The following TRHDE variants were observed in gnomAD, a reference collection of about 807,000 sequenced individuals.
TRHDE encodes thyrotropin releasing hormone degrading enzyme.
TRHDE carries 72 observed loss-of-function variants against 125.7 expected under a neutral mutation model. The ratio of observed to expected loss-of-function variants is 0.57; its 90% CI spans 0.47 to 0.70. TRHDE has a LOEUF of 0.70. Among genes scored for constraint, TRHDE ranks in the 30% least tolerant of loss-of-function variants. The pLI is 0.00. For synonymous variants in TRHDE, 509 were observed against 509.1 expected (o/e 1.00, Z 0.00); for missense variants, 1,110 against 1,327.1 (o/e 0.84, Z 2.54).
chr12:72,516,483 T>G (rs1878866525), intron 6 of TRHDE, among the ~76,000 whole-genome samples: 1 of 152,052 alleles, frequency 6.6e-6, no homozygotes, highest in South Asian at 2.1e-4. Flanking sequence ...GTGATTTTTG[T>G]ACATTGATTT....
chr12:72,266,344 A>G (rs961472276), intron 2 of TRHDE, among the ~76,000 whole-genome samples: 4 of 151,924 alleles, frequency 2.6e-5, no homozygotes, highest in Non-Finnish European at 4.4e-5. Flanking sequence ...TGGGTTAAAT[A>G]TATATTTTTG....
intron 3 of TRHDE, among the ~76,000 whole-genome samples, chr12:72,409,877 A>G (rs553587931): frequency 6.6e-6 from 1 of 152,310 alleles, no homozygotes; most frequent in Non-Finnish European, 1.5e-5. Flanking sequence ...ATATATTGAG[A>G]GGGGAATAAA....
At chr12:72,340,157 C>T (rs1870016033) in intron 2 of TRHDE, among the ~76,000 whole-genome samples, 2 of 152,128 alleles carry the variant, frequency 1.3e-5, no homozygotes, top group African/African-American at 4.8e-5. Context: ...GCATAACTCA[C>T]CTGGGAGTAT....
Position 72,272,783 on chromosome 12 carries a change from G to A in TRHDE, c.140G>A (p.Gly47Glu), listed in dbSNP as rs1182933632. The A allele has an allele frequency of 1.9e-6, 3 of 1,557,692 alleles. No homozygotes were observed. The highest frequency in any genetic ancestry group is 2.7e-5 in the African/African-American group (2 of 73,780). ...AGCTCACCCTTCGCAGCCGCGATGG[G>A]GGAAGACGACGCCGCGCTTCGGGCT... ...KSSSPFAAAM[G>E]EDDAALRAGS... Residue 47 changes from glycine to glutamate, a missense_variant, in exon 1 of 19, where the codon GGG (glycine) becomes GAG (glutamate). This residue lies in a region of TRHDE where 248 missense variants were observed against 240.8 expected (regional missense o/e 1.03). Transcript: ENST00000261180. This position sits in a 1 kb window ranked among gnomAD's most constrained non-coding sequence, Gnocchi z 6.7.
chr12:72,402,780 T>C lies in TRHDE; in HGVS notation c.1315+24659T>C, dbSNP rs185792909. 9.5e-4 allele frequency among the ~76,000 whole-genome samples: 144 copies of C among 152,300 alleles called. No homozygotes were observed. In the South Asian group the frequency reaches 0.014, roughly 14 times the overall value. On this transcript the variant is annotated intron_variant, in intron 3 of 18. Transcript: ENST00000261180. ...TGAAATAGCCTCATTGATTTTTTTT[T>C]CTGTAGGGCACAACTTTTTTGTCCT...
intron 2 of TRHDE, among the ~76,000 whole-genome samples, chr12:72,206,590 T>C (rs1231930910): frequency 1.3e-5 from 2 of 152,202 alleles, no homozygotes; most frequent in Non-Finnish European, 2.9e-5. Flanking sequence ...TGTCAGCATG[T>C]ATAGAAAGTG....
At chr12:72,296,314 T>C (rs1372169405) in intron 2 of TRHDE, among the ~76,000 whole-genome samples, 2 of 152,216 alleles carry the variant, frequency 1.3e-5, no homozygotes, top group Non-Finnish European at 2.9e-5. Context: ...AATACCAGTA[T>C]CATCACTTTT....
At chr12:72,246,473 A>C (rs1334410023) in intron 2 of TRHDE, among the ~76,000 whole-genome samples, 2 of 152,182 alleles carry the variant, frequency 1.3e-5, no homozygotes, top group African/African-American at 2.4e-5. Context: ...TATAAAAAAC[A>C]TATTTTCTGG....
At chr12:72,341,826 G>T (rs745619916) in intron 2 of TRHDE, among the ~76,000 whole-genome samples, 3 of 152,070 alleles carry the variant, frequency 2.0e-5, no homozygotes, top group Non-Finnish European at 4.4e-5. Context: ...AGATGAATCT[G>T]GTGTTTATAA....
At chr12:72,435,244 G>C (rs1021158377) in intron 3 of TRHDE, among the ~76,000 whole-genome samples, 1 of 152,158 alleles carries the variant, frequency 6.6e-6, no homozygotes, top group Non-Finnish European at 1.5e-5. Context: ...ATCTATACCT[G>C]GTCCCCAGAT....
chr12:72,323,440 G>A (rs1178018937), intron 2 of TRHDE, among the ~76,000 whole-genome samples: 1 of 152,056 alleles, frequency 6.6e-6, no homozygotes, highest in African/African-American at 2.4e-5. Flanking sequence ...CTAAGAAAAG[G>A]GCAGTAACCT....
chr12:72,576,689 T>C (rs995219926), intron 12 of TRHDE, among the ~76,000 whole-genome samples: 2 of 152,140 alleles, frequency 1.3e-5, no homozygotes, highest in African/African-American at 4.8e-5. Flanking sequence ...TTGCCTCCCT[T>C]ATTGCTACTA....
Position 72,222,282 on chromosome 12 carries a change from G to A in TRHDE, n.279+116530G>A, listed in dbSNP as rs925007964. ...ATGTGGAATGAGAGAGATTGTTCCT[G>A]GTAAGAAGAGCATGTGGAATGAGAA... On this transcript the variant is annotated intron_variant and non_coding_transcript_variant, in intron 2 of 4. Transcript: ENST00000548156. Among the ~76,000 whole-genome samples the A allele has an allele frequency of 1.3e-5, 2 of 152,012 alleles. 1 individual carries two copies. The highest frequency in any genetic ancestry group is 4.8e-5 in the African/African-American group (2 of 41,392).
chr12:72,125,857 CA>C (rs1402764620), intron 2 of TRHDE, among the ~76,000 whole-genome samples: 1 of 152,058 alleles, frequency 6.6e-6, no homozygotes, highest in Non-Finnish European at 1.5e-5. Flanking sequence ...GACCATGGTA[CA>C]GAACATGGGG....
At chr12:72,495,075 T>G (rs894800023) in intron 5 of TRHDE, among the ~76,000 whole-genome samples, 1 of 141,570 alleles carries the variant, frequency 7.1e-6, no homozygotes, top group Non-Finnish European at 1.5e-5. Flanking sequence ...TTTTTTTTTT[T>G]TTTTTTTTTT....
chr12:72,562,713 AAC>A (rs1300705307), intron 8 of TRHDE, 138 bp from the exon 9 acceptor site: 35 of 521,702 alleles, frequency 6.7e-5, no homozygotes, highest in Non-Finnish European at 1.0e-4. Flanking sequence ...TAATTTCACT[AAC>A]ACATTATATT....
chr12:72,535,387 G>T (rs1868802813), intron 6 of TRHDE, among the ~76,000 whole-genome samples: 1 of 152,056 alleles, frequency 6.6e-6, no homozygotes, highest in East Asian at 1.9e-4. Context: ...CCCATCTGGG[G>T]TTGTCTCTAG....
chr12:72,377,669 A>T (rs1871951749), intron 2 of TRHDE, among the ~76,000 whole-genome samples: 1 of 152,108 alleles, frequency 6.6e-6, no homozygotes, highest in Non-Finnish European at 1.5e-5. Context: ...GGGTCCCATT[A>T]TACTAATCCA....
intron 2 of TRHDE, among the ~76,000 whole-genome samples, chr12:72,261,761 T>C (rs983958287): frequency 1.3e-5 from 2 of 152,190 alleles, no homozygotes; most frequent in East Asian, 3.9e-4. Flanking sequence ...AATGAGAACA[T>C]GTGGATAATT....
Sources: gnomAD v4.1 joint callset for allele counts (sites outside exome capture counted in the v4.1 genomes callset) on GRCh38, gnomAD v4.1.1 for gene constraint, gnomAD v4.1.1 regional missense constraint, Gnocchi (gnomAD v3.1) non-coding constraint, MANE v1.5 for transcripts, NCBI Gene and HGNC (gene_info 2026-07-23, HGNC 2026-07-21) for gene names.